Variants in LRP1B observed in about 807,000 individuals in gnomAD.
The protein encoded by LRP1B is LDL receptor related protein 1B, also known as low-density lipoprotein receptor-related protein 1B.
Under a neutral mutation model 556.6 loss-of-function variants are expected in LRP1B, and 217 were observed. The observed-to-expected ratio is 0.39, with a 90% CI of 0.35 to 0.44. LRP1B has a LOEUF of 0.44. LRP1B is among the 20% of genes least tolerant of loss of function. LRP1B has a pLI of 1.00. For missense variants in LRP1B, 5,053 were observed against 5,620.8 expected, an observed-to-expected ratio of 0.90 and a Z score of 3.23; for synonymous variants, 2,047 against 1,865.8, an observed-to-expected ratio of 1.10 and a Z score of -2.50.
At chr2:141,283,424 G>A (rs1454845195) in intron 3 of LRP1B, among the ~76,000 whole-genome samples, 2 of 152,012 alleles carry the variant, frequency 1.3e-5, no homozygotes, top group Admixed American at 6.6e-5. Context: ...TAAGGAAGGC[G>A]GGGGAGGTGG....
intron 3 of LRP1B, among the ~76,000 whole-genome samples, chr2:141,442,786 T>C (rs1485492670): frequency 6.6e-6 from 1 of 152,214 alleles, no homozygotes; most frequent in Non-Finnish European, 1.5e-5. Context: ...TACATCGTAT[T>C]CCATGGTGTA....
intron 2 of LRP1B, among the ~76,000 whole-genome samples, chr2:141,754,471 C>A (rs1694249173): frequency 6.6e-6 from 1 of 152,114 alleles, no homozygotes; most frequent in African/African-American, 2.4e-5. Context: ...TTATGTATTT[C>A]TTAAAATACC....
At chr2:142,128,131 A>G (rs2105023674) in intron 1 of LRP1B, among the ~76,000 whole-genome samples, 1 of 152,288 alleles carries the variant, frequency 6.6e-6, no homozygotes, top group East Asian at 1.9e-4. Context: ...AAGTGCACGT[A>G]TATGGTTTGA....
chr2:141,219,276 C>A (rs543281294), intron 6 of LRP1B, among the ~76,000 whole-genome samples: 1 of 152,274 alleles, frequency 6.6e-6, no homozygotes, highest in African/African-American at 2.4e-5. Flanking sequence ...TTGGGGAGAT[C>A]GGGCAGTTTA....
At chr2:141,023,885 A>G (rs1165112643) in intron 11 of LRP1B, among the ~76,000 whole-genome samples, 1 of 152,024 alleles carries the variant, frequency 6.6e-6, no homozygotes, top group Non-Finnish European at 1.5e-5. Context: ...CCTTAGCATG[A>G]ACATTATTTT....
rs190342550 is a variant in LRP1B, at chr2:141,561,366, G to T, written c.206-80833C>A. 1.7e-3 allele frequency among the ~76,000 whole-genome samples: 263 copies of T among 151,778 alleles called. 2 individuals carry two copies. Among genetic ancestry groups the T allele is most frequent in the Non-Finnish European group, 3.3e-3 (226 of 67,736 alleles). On this transcript the variant is annotated intron_variant, in intron 2 of 90. Coordinates refer to ENST00000389484, the MANE Select transcript of LRP1B (RefSeq NM_018557.3). ...ATTAATATTACAGAGAAAGGTCTGGGCCTATTTTATCTCTATTTGTTGGTT... is the reference window on the plus strand; with the variant it reads ...ATTAATATTACAGAGAAAGGTCTGGTCCTATTTTATCTCTATTTGTTGGTT...
intron 2 of LRP1B, among the ~76,000 whole-genome samples, chr2:141,534,978 T>C (rs1046439051): frequency 2.6e-5 from 4 of 152,164 alleles, no homozygotes; most frequent in African/African-American, 7.2e-5. Context: ...GTTTCTAAAA[T>C]TGGTTTCTAG....
At chr2:141,475,697 A>C in intron 3 of LRP1B, among the ~76,000 whole-genome samples, 1 of 152,130 alleles carries the variant, frequency 6.6e-6, no homozygotes, top group Non-Finnish European at 1.5e-5. Context: ...GCAGAGCAAC[A>C]GAGTGGTGAG....
intron 2 of LRP1B, among the ~76,000 whole-genome samples, chr2:141,554,238 CTATAGGAATAGA>C (rs762330347): frequency 0.22 from 31,965 of 143,878 alleles, 4,198 homozygotes; most frequent in South Asian, 0.39. Flanking sequence ...TTATATATAT[CTATAGGAATAGA>C]CCTAGATATA....
intron 1 of LRP1B, among the ~76,000 whole-genome samples, chr2:141,839,627 C>A (rs888265103): frequency 6.6e-6 from 1 of 152,124 alleles, no homozygotes; most frequent in African/African-American, 2.4e-5. Context: ...CTTGACTATA[C>A]TGAGACACTT....
chr2:141,268,443 G>T (rs551259969), intron 3 of LRP1B, among the ~76,000 whole-genome samples: 66 of 152,236 alleles, frequency 4.3e-4, no homozygotes, highest in Non-Finnish European at 7.1e-4. Flanking sequence ...GGTCAGGGCA[G>T]CTATATTCCA....
At chr2:141,778,532 A>T (rs1695147513) in intron 2 of LRP1B, among the ~76,000 whole-genome samples, 1 of 152,094 alleles carries the variant, frequency 6.6e-6, no homozygotes, top group Admixed American at 6.5e-5. Flanking sequence ...CAAAGTGGAA[A>T]CTAACTGTAT....
chr2:140,864,995 T>A (rs1692906410), intron 27 of LRP1B, among the ~76,000 whole-genome samples: 1 of 152,068 alleles, frequency 6.6e-6, no homozygotes, highest in Admixed American at 6.6e-5. Flanking sequence ...ACCCAGGCCA[T>A]GCCATTAATT....
chr2:141,688,022 C>T (rs1691374557), intron 2 of LRP1B, among the ~76,000 whole-genome samples: 1 of 139,414 alleles, frequency 7.2e-6, no homozygotes, highest in Non-Finnish European at 1.6e-5. Context: ...AAAAAAAAAA[C>T]TCTTAAAATG....
At chr2:141,850,422 C>T (rs2105773597) in intron 1 of LRP1B, among the ~76,000 whole-genome samples, 1 of 151,632 alleles carries the variant, frequency 6.6e-6, no homozygotes, top group East Asian at 1.9e-4. Flanking sequence ...ATTATAGAAA[C>T]ACCCATCATC....
intron 20 of LRP1B, among the ~76,000 whole-genome samples, chr2:140,927,310 A>G (rs531873147): frequency 6.6e-6 from 1 of 152,260 alleles, no homozygotes; most frequent in South Asian, 2.1e-4. Flanking sequence ...GTCTCACACA[A>G]ATAAATGGAA....
intron 3 of LRP1B, among the ~76,000 whole-genome samples, chr2:141,340,158 G>A (rs919549642): frequency 5.3e-5 from 8 of 152,246 alleles, no homozygotes; most frequent in South Asian, 2.1e-4. Context: ...AGGTTTGACC[G>A]AAGAAAAATC....
intron 49 of LRP1B, among the ~76,000 whole-genome samples, chr2:140,522,800 G>A (rs1682148656): frequency 6.6e-6 from 1 of 151,780 alleles, no homozygotes; most frequent in African/African-American, 2.4e-5. Flanking sequence ...TAGAGAAAAT[G>A]AATAAATTTC....
intron 1 of LRP1B, among the ~76,000 whole-genome samples, chr2:141,981,312 G>C (rs1463479834): frequency 6.6e-6 from 1 of 152,004 alleles, no homozygotes; most frequent in African/African-American, 2.4e-5. Flanking sequence ...TTAGGCATTG[G>C]ACCTGCAACC....
Sources: gnomAD v4.1 joint callset for allele counts (sites outside exome capture counted in the v4.1 genomes callset) on GRCh38, gnomAD v4.1.1 for gene constraint, MANE v1.5 for transcripts, NCBI Gene and HGNC (gene_info 2026-07-23, HGNC 2026-07-21) for gene names.